Variants in NCKAP5 observed in about 807,000 individuals in gnomAD.
The protein encoded by NCKAP5 is nck-associated protein 5.
NCKAP5 carries 92 observed loss-of-function variants against 167.0 expected under a neutral mutation model. The observed-to-expected ratio is 0.55, with a 90% confidence interval of 0.47 to 0.66. NCKAP5 has a LOEUF of 0.66. NCKAP5 is among the 30% of genes least tolerant of loss of function. NCKAP5 has a pLI of 0.00. For missense variants in NCKAP5, 2,378 were observed against 2,315.0 expected (o/e 1.03, Z -0.56); for synonymous variants, 891 against 877.4 (o/e 1.02, Z -0.27).
chr2:133,092,934 G>C (rs897751037), intron 6 of NCKAP5, among the ~76,000 whole-genome samples: 1 of 152,212 alleles, frequency 6.6e-6, no homozygotes, highest in Non-Finnish European at 1.5e-5. Context: ...CAAGGCAGCA[G>C]TACTACACAG....
chr2:133,033,381 A>G (rs1162456149), intron 6 of NCKAP5, among the ~76,000 whole-genome samples: 1 of 152,216 alleles, frequency 6.6e-6, no homozygotes, highest in Non-Finnish European at 1.5e-5. Context: ...AGCCTTCCCT[A>G]TAAGGATGAC....
At chr2:133,596,839 G>A in the NCKAP5 span, among the ~76,000 whole-genome samples, 2,861 of 152,174 alleles carry the variant, frequency 0.019, 109 homozygotes, top group African/African-American at 0.066. Flanking sequence ...GAGGAATCTC[G>A]CCAATCTCTC....
chr2:133,578,938 C>T, the NCKAP5 span, among the ~76,000 whole-genome samples: 2 of 152,096 alleles, frequency 1.3e-5, no homozygotes, highest in Non-Finnish European at 2.9e-5. Flanking sequence ...GCTCTGGTAA[C>T]CCAACAAATA....
intron 6 of NCKAP5, among the ~76,000 whole-genome samples, chr2:133,111,886 C>G (rs564328296): frequency 1.6e-4 from 24 of 152,214 alleles, no homozygotes; most frequent in Admixed American, 1.5e-3. Flanking sequence ...AACTTTCACT[C>G]TAGGAAGAAA....
At chr2:133,540,152 G>A (rs1033186459) in intron 2 of NCKAP5, among the ~76,000 whole-genome samples, 3 of 152,224 alleles carry the variant, frequency 2.0e-5, no homozygotes, top group African/African-American at 7.2e-5. Context: ...CTGCACTCCA[G>A]CCTGGGTGAC....
chr2:132,887,314 T>A (rs2148850277), intron 8 of NCKAP5, among the ~76,000 whole-genome samples: 1 of 145,860 alleles, frequency 6.9e-6, no homozygotes, highest in Admixed American at 6.9e-5. Flanking sequence ...ATAGCAACTT[T>A]TATTTTATCT....
At chr2:133,103,861 C>T (rs370138419) in intron 6 of NCKAP5, among the ~76,000 whole-genome samples, 13 of 152,198 alleles carry the variant, frequency 8.5e-5, no homozygotes, top group East Asian at 1.9e-4. Context: ...CCACAAAGTC[C>T]GAGAGAACTA....
At chr2:132,795,841 A>AAAC (rs1684555696) in intron 12 of NCKAP5, among the ~76,000 whole-genome samples, 5 of 150,126 alleles carry the variant, frequency 3.3e-5, no homozygotes, top group Non-Finnish European at 7.4e-5. Flanking sequence ...AAAAAAAACA[A>AAAC]AAAAAACAAA....
intron 5 of NCKAP5, among the ~76,000 whole-genome samples, chr2:133,190,024 C>T (rs528464976): frequency 1.3e-5 from 2 of 152,178 alleles, no homozygotes; most frequent in South Asian, 2.1e-4. Flanking sequence ...TTTAGAAAAC[C>T]CCATCATCTC....
chr2:133,437,884 G>C (rs1690593375), intron 3 of NCKAP5, among the ~76,000 whole-genome samples: 1 of 152,204 alleles, frequency 6.6e-6, no homozygotes, highest in Non-Finnish European at 1.5e-5. Flanking sequence ...GCCTGTCATA[G>C]AGAAAGCTCT....
At chr2:132,759,670 T>C (rs1009443328) in intron 16 of NCKAP5, among the ~76,000 whole-genome samples, 2 of 152,104 alleles carry the variant, frequency 1.3e-5, no homozygotes, top group Admixed American at 6.5e-5. Flanking sequence ...TTCTTTAAGA[T>C]TGTGTGGTAT....
At chr2:133,191,412 C>G (rs1455850996) in intron 5 of NCKAP5, among the ~76,000 whole-genome samples, 3 of 152,154 alleles carry the variant, frequency 2.0e-5, no homozygotes, top group Admixed American at 6.6e-5. Flanking sequence ...ACCCAGCAAT[C>G]CCATTACTGG....
At chr2:133,149,359 T>C (rs570145603) in intron 5 of NCKAP5, among the ~76,000 whole-genome samples, 23 of 152,290 alleles carry the variant, frequency 1.5e-4, no homozygotes, top group African/African-American at 5.3e-4. Flanking sequence ...TTAGTTAATG[T>C]TATGCTCAGG....
At chr2:133,564,202 GT>G (rs1396039249) in intron 1 of NCKAP5, among the ~76,000 whole-genome samples, 2 of 151,722 alleles carry the variant, frequency 1.3e-5, no homozygotes, top group African/African-American at 4.8e-5. Context: ...CATGTGACTT[GT>G]GCACATTACT....
intron 4 of NCKAP5, among the ~76,000 whole-genome samples, chr2:133,290,144 G>A (rs889851295): frequency 1.3e-5 from 2 of 152,016 alleles, no homozygotes; most frequent in Non-Finnish European, 1.5e-5. Flanking sequence ...TACCTTCTCC[G>A]TAAATACCAC....
chr2:133,345,331 G>A (rs578185463), intron 3 of NCKAP5, among the ~76,000 whole-genome samples: 2 of 151,614 alleles, frequency 1.3e-5, no homozygotes, highest in Non-Finnish European at 2.9e-5. Flanking sequence ...TGACATTAAA[G>A]TTTACTTTTA....
chr2:133,167,818 C>A (rs943140441), intron 5 of NCKAP5, among the ~76,000 whole-genome samples: 14 of 152,092 alleles, frequency 9.2e-5, no homozygotes, highest in Non-Finnish European at 1.5e-4. Context: ...AAAGAATTTT[C>A]TTTTTACTTC....
At chr2:133,348,052 A>T (rs1684097039) in intron 3 of NCKAP5, among the ~76,000 whole-genome samples, 1 of 152,184 alleles carries the variant, frequency 6.6e-6, no homozygotes, top group Admixed American at 6.5e-5. Flanking sequence ...GCAGGCAGAG[A>T]GAAAAGGGAT....
At chr2:132,869,665 C>T (rs752946577) in intron 9 of NCKAP5, among the ~76,000 whole-genome samples, 1 of 152,112 alleles carries the variant, frequency 6.6e-6, no homozygotes, top group Non-Finnish European at 1.5e-5. Context: ...AAATTCTGGC[C>T]AATAAGACAT....
Sources: allele counts gnomAD v4.1 joint callset (sites outside exome capture counted in the v4.1 genomes callset), GRCh38; gene constraint gnomAD v4.1.1; transcripts MANE v1.5; gene names NCBI Gene and HGNC (gene_info 2026-07-23, HGNC 2026-07-21).